CRACDL: variants seen among roughly 807,000 people sequenced by gnomAD.
CRACDL encodes the protein CRACD like, also known as CRACD-like protein.
CRACDL carries 26 observed loss-of-function variants against 70.6 expected under a neutral mutation model. That is an observed-to-expected ratio of 0.37 (90% CI 0.27 to 0.51). The LOEUF is 0.51. Among genes scored for constraint, CRACDL ranks in the 20% least tolerant of loss-of-function variants. The pLI, the probability that CRACDL is intolerant of heterozygous loss-of-function variation, is 0.94. For synonymous variants in CRACDL, 618 were observed against 615.2 expected, an observed-to-expected ratio of 1.00 and a Z score of -0.07; for missense variants, 1,283 against 1,376.9, an observed-to-expected ratio of 0.93 and a Z score of 1.08.
chr2:98,891,865 C>A (rs1382610064), intron 1 of CRACDL, among the ~76,000 whole-genome samples: 1 of 152,090 alleles, frequency 6.6e-6, no homozygotes, highest in African/African-American at 2.4e-5. Flanking sequence ...TGTATCCATC[C>A]TTGATTTATA....
chr2:98,891,533 C>T (rs1463917644), intron 1 of CRACDL, among the ~76,000 whole-genome samples: 1 of 151,856 alleles, frequency 6.6e-6, no homozygotes, highest in African/African-American at 2.4e-5. Flanking sequence ...GGTTCACAAC[C>T]TTGTTTGGGG....
At chr2:98,929,925 A>T (rs1709027976) in intron 1 of CRACDL, among the ~76,000 whole-genome samples, 1 of 152,026 alleles carries the variant, frequency 6.6e-6, no homozygotes, top group African/African-American at 2.4e-5. Flanking sequence ...GGCAGCAAAG[A>T]CTCACGATAC....
intron 1 of CRACDL, among the ~76,000 whole-genome samples, chr2:98,934,333 G>A (rs944127438): frequency 4.0e-5 from 6 of 151,820 alleles, no homozygotes; most frequent in African/African-American, 1.2e-4. Context: ...CGAGTAGCTG[G>A]ATTACAGGCG....
chr2:98,809,481 G>A (rs1306083998), intron 7 of CRACDL, among the ~76,000 whole-genome samples: 3 of 152,116 alleles, frequency 2.0e-5, no homozygotes, highest in Non-Finnish European at 1.5e-5. Flanking sequence ...CCCAACTGCA[G>A]GGCACATCTG....
intron 1 of CRACDL, among the ~76,000 whole-genome samples, chr2:98,853,011 G>A (rs1283538159): frequency 7.7e-6 from 1 of 130,008 alleles, no homozygotes; most frequent in African/African-American, 2.9e-5. Flanking sequence ...GGGAGGGGAG[G>A]GGAGGGGAAG....
chr2:98,880,106 A>G (rs543178693), intron 1 of CRACDL, among the ~76,000 whole-genome samples: 1 of 152,248 alleles, frequency 6.6e-6, no homozygotes, highest in Non-Finnish European at 1.5e-5. Flanking sequence ...AGTTATTAAT[A>G]CAGTGCAACG....
intron 1 of CRACDL, among the ~76,000 whole-genome samples, chr2:98,866,472 C>CTTTTTTTTTTTTTTTTTTTTTTTTTT (rs869154325): frequency 9.3e-6 from 1 of 107,812 alleles, no homozygotes; most frequent in Non-Finnish European, 1.8e-5. Flanking sequence ...ACAATCACTT[C>CTTTTTTTTTTTTTTTTTTTTTTTTTT]TTCTTTTTTT....
intron 1 of CRACDL, among the ~76,000 whole-genome samples, chr2:98,928,999 G>C (rs996574850): frequency 1.3e-5 from 2 of 151,972 alleles, no homozygotes; most frequent in African/African-American, 4.8e-5. Context: ...TCAAGGGAGT[G>C]GGTCTGACCC....
chr2:98,808,683 A>C (rs11123753), intron 7 of CRACDL, among the ~76,000 whole-genome samples: 4,547 of 151,968 alleles, frequency 0.03, 89 homozygotes, highest in Middle Eastern at 0.065. Context: ...CTCCTGCCAT[A>C]CCCTTGGCCC....
chr2:98,805,451 A>T (rs1704247566), intron 7 of CRACDL, among the ~76,000 whole-genome samples: 1 of 151,772 alleles, frequency 6.6e-6, no homozygotes, highest in East Asian at 1.9e-4. Context: ...TCACCAGCAG[A>T]CCCTTTCCAC....
chr2:98,853,056 G>A, intron 1 of CRACDL, among the ~76,000 whole-genome samples: 1 of 140,278 alleles, frequency 7.1e-6, no homozygotes, highest in Admixed American at 7.2e-5. Context: ...AAAGGGAAGG[G>A]GGGGCATTAA....
rs1553555339 is a variant in CRACDL at position 98,826,907 on chromosome 2, G to GT, written c.735+67_735+68insA. The GT allele has an allele frequency of 1.2e-5, 12 of 1,008,964 alleles. No homozygotes were observed. In the East Asian group the frequency reaches 1.7e-4, roughly 14 times the overall value. 62.5% of individuals were successfully genotyped at this position (1,008,964 alleles called of 1,614,324 possible). A position where few individuals can be genotyped will look rare whatever the true frequency, so the allele number is the denominator to read the frequency against. ...CCTGTGTGGGGGAGTGAGGCAGGTT[G>GT]GGGGGGGGCATAGGGGGGTGCCAAG... On this transcript the variant is annotated intron_variant, in intron 6 of 9. Transcript: ENST00000397899.
At chr2:98,832,769 A>G (rs540699399) in intron 4 of CRACDL, 93 bp downstream of exon 4, 17 of 1,491,384 alleles carry the variant, frequency 1.1e-5, no homozygotes, top group Non-Finnish European at 1.5e-5. Context: ...TCTACTTTAC[A>G]GCATATCAAA....
chr2:98,801,655 T>C (rs902737939), intron 7 of CRACDL, among the ~76,000 whole-genome samples: 1 of 152,238 alleles, frequency 6.6e-6, no homozygotes, highest in African/African-American at 2.4e-5. Flanking sequence ...GTTTTGAAGA[T>C]AAGTGAAATA....
At chr2:98,900,321 G>T (rs1298851345) in intron 1 of CRACDL, among the ~76,000 whole-genome samples, 1 of 135,226 alleles carries the variant, frequency 7.4e-6, no homozygotes, top group Admixed American at 7.3e-5. Context: ...GGGGAGGCAG[G>T]GGGACAAAGG....
intron 2 of CRACDL, among the ~76,000 whole-genome samples, chr2:98,840,007 T>C (rs575894953): frequency 6.6e-6 from 1 of 152,280 alleles, no homozygotes; most frequent in Admixed American, 6.5e-5. Flanking sequence ...TCATATTGTA[T>C]TAATTTCTGT....
chr2:98,850,665 G>T (rs1573069252), intron 1 of CRACDL, among the ~76,000 whole-genome samples: 1 of 152,206 alleles, frequency 6.6e-6, no homozygotes, highest in Admixed American at 6.5e-5. Context: ...GACCGCCAGG[G>T]CCTCTTCAGG....
intron 1 of CRACDL, among the ~76,000 whole-genome samples, chr2:98,915,249 G>C (rs893742838): frequency 6.6e-6 from 1 of 152,210 alleles, no homozygotes; most frequent in Non-Finnish European, 1.5e-5. Context: ...AGAGGTGCTG[G>C]CCACCTGCCC....
intron 1 of CRACDL, among the ~76,000 whole-genome samples, chr2:98,904,449 T>A: frequency 6.6e-6 from 1 of 152,310 alleles, no homozygotes; most frequent in Admixed American, 6.5e-5. Context: ...CCACCACATA[T>A]GGGAATGGCC....
Sources: gnomAD v4.1 joint callset for allele counts (sites outside exome capture counted in the v4.1 genomes callset) on GRCh38, gnomAD v4.1.1 for gene constraint, MANE v1.5 for transcripts, NCBI Gene and HGNC (gene_info 2026-07-23, HGNC 2026-07-21) for gene names.